The following PABPC4L variants were observed in gnomAD, a reference collection of about 807,000 sequenced individuals.
The protein encoded by PABPC4L is polyadenylate-binding protein 4-like.
For missense variants in PABPC4L, 452 were observed against 451.4 expected (o/e 1.00, Z -0.01); for synonymous variants, 169 against 164.1 (o/e 1.03, Z -0.23).
At chr4:134,150,800 G>C in the PABPC4L span, among the ~76,000 whole-genome samples, 2 of 152,210 alleles carry the variant, frequency 1.3e-5, no homozygotes, top group South Asian at 4.1e-4. Context: ...CATAATTGAA[G>C]CACATGCAGA....
chr4:134,077,004 G>A, the PABPC4L span, among the ~76,000 whole-genome samples: 3 of 152,062 alleles, frequency 2.0e-5, no homozygotes, highest in Non-Finnish European at 4.4e-5. Context: ...AGCATGAATA[G>A]TTCATATTAT....
At chr4:133,964,970 C>A in the PABPC4L span, among the ~76,000 whole-genome samples, 1 of 152,058 alleles carries the variant, frequency 6.6e-6, no homozygotes, top group Admixed American at 6.6e-5. Flanking sequence ...CTAGCCAGAG[C>A]AATCAGAGAA....
the PABPC4L span, among the ~76,000 whole-genome samples, chr4:134,180,302 T>C: frequency 2.6e-5 from 4 of 150,974 alleles, no homozygotes; most frequent in South Asian, 8.3e-4. Context: ...GGGTAAATAA[T>C]GAAATAAAGG....
chr4:133,961,279 G>A, the PABPC4L span, among the ~76,000 whole-genome samples: 1 of 152,160 alleles, frequency 6.6e-6, no homozygotes, highest in African/African-American at 2.4e-5. Context: ...GAGCCTGGTA[G>A]ACTTGCTAAG....
the PABPC4L span, among the ~76,000 whole-genome samples, chr4:133,952,189 G>A: frequency 2.0e-5 from 3 of 152,110 alleles, no homozygotes; most frequent in Admixed American, 2.0e-4. Context: ...CGTTTTCTAA[G>A]ACTTGACCAA....
the PABPC4L span, among the ~76,000 whole-genome samples, chr4:134,105,686 T>C: frequency 6.6e-6 from 1 of 151,696 alleles, no homozygotes; most frequent in Non-Finnish European, 1.5e-5. Context: ...ATTTCATCAC[T>C]AGCGAAGTAC....
At chr4:133,989,106 A>AT in the PABPC4L span, among the ~76,000 whole-genome samples, 25 of 151,684 alleles carry the variant, frequency 1.6e-4, no homozygotes, top group Non-Finnish European at 2.8e-4. Context: ...CCATGAAAGC[A>AT]TTTTTTTTCC....
chr4:133,975,206 A>T, the PABPC4L span, among the ~76,000 whole-genome samples: 1 of 152,132 alleles, frequency 6.6e-6, no homozygotes, highest in Non-Finnish European at 1.5e-5. Context: ...ACATGAATAA[A>T]CCTTGAAAAT....
chr4:134,043,904 A>ATGTG, the PABPC4L span, among the ~76,000 whole-genome samples: 1,309 of 147,628 alleles, frequency 8.9e-3, 13 homozygotes, highest in African/African-American at 0.025. Flanking sequence ...CTGTATATAT[A>ATGTG]TGTGTGTGTG....
the PABPC4L span, among the ~76,000 whole-genome samples, chr4:134,020,171 G>A: frequency 6.6e-6 from 1 of 152,080 alleles, no homozygotes. Context: ...AGTCCGCAGT[G>A]CAAAGTAAAG....
chr4:134,027,560 G>A, the PABPC4L span, among the ~76,000 whole-genome samples: 10 of 152,002 alleles, frequency 6.6e-5, no homozygotes, highest in Admixed American at 1.3e-4. Flanking sequence ...AAATCTCTTC[G>A]ACAAACTGAT....
At chr4:134,094,471 T>C in the PABPC4L span, among the ~76,000 whole-genome samples, 2 of 152,088 alleles carry the variant, frequency 1.3e-5, no homozygotes, top group Non-Finnish European at 2.9e-5. Flanking sequence ...AAATTCCAAG[T>C]AATATAGCAT....
chr4:134,046,106 G>A, the PABPC4L span, among the ~76,000 whole-genome samples: 1 of 152,026 alleles, frequency 6.6e-6, no homozygotes. Context: ...CCAGGGGACC[G>A]GCACTCAGCA....
the PABPC4L span, among the ~76,000 whole-genome samples, chr4:134,012,802 T>A: frequency 1.3e-5 from 2 of 152,016 alleles, no homozygotes; most frequent in Non-Finnish European, 1.5e-5. Context: ...TTCTCCAACC[T>A]CCCTCACTAT....
chr4:133,971,788 A>G, the PABPC4L span, among the ~76,000 whole-genome samples: 151,797 of 152,262 alleles, frequency 1, 75,667 homozygotes, highest in East Asian at 1. Context: ...CATTATGAAC[A>G]GCATGCTTTT....
chr4:133,996,663 G>C, the PABPC4L span, among the ~76,000 whole-genome samples: 38 of 152,252 alleles, frequency 2.5e-4, no homozygotes, highest in African/African-American at 7.9e-4. Context: ...CTCTAAGTCT[G>C]TCCTGCAGAC....
the PABPC4L span, among the ~76,000 whole-genome samples, chr4:134,144,845 T>C: frequency 6.6e-6 from 1 of 151,392 alleles, no homozygotes; most frequent in East Asian, 1.9e-4. Flanking sequence ...TTTTCCAATC[T>C]GAATCATTCT....
the PABPC4L span, among the ~76,000 whole-genome samples, chr4:134,102,716 A>C: frequency 6.6e-6 from 1 of 151,722 alleles, no homozygotes; most frequent in African/African-American, 2.4e-5. Context: ...ATTATAGAAT[A>C]TCCAAATAAT....
chr4:134,081,937 A>G, the PABPC4L span, among the ~76,000 whole-genome samples: 1 of 152,220 alleles, frequency 6.6e-6, no homozygotes, highest in East Asian at 1.9e-4. Context: ...TAATAATAAT[A>G]GAAGAGTTCA....
Sources: allele counts gnomAD v4.1 joint callset (sites outside exome capture counted in the v4.1 genomes callset), GRCh38; gene constraint gnomAD v4.1.1; transcripts MANE v1.5; gene names NCBI Gene and HGNC (gene_info 2026-07-23, HGNC 2026-07-21).